Variants in FOXO1 observed in about 807,000 individuals in gnomAD.
The protein encoded by FOXO1 is forkhead box protein O1.
Under a neutral mutation model 44.1 loss-of-function variants are expected in FOXO1, and 6 were observed. The ratio of observed to expected loss-of-function variants is 0.14; its 90% CI spans 0.07 to 0.27. The LOEUF (loss-of-function observed/expected upper bound fraction) is 0.27, where lower values mean the gene tolerates loss of function less well. Among genes scored for constraint, FOXO1 ranks in the 10% least tolerant of loss-of-function variants. The pLI is 1.00. For synonymous variants in FOXO1, 380 were observed against 362.7 expected, an observed-to-expected ratio of 1.05 and a Z score of -0.54; for missense variants, 737 against 888.8, an observed-to-expected ratio of 0.83 and a Z score of 2.17.
intron 1 of FOXO1, among the ~76,000 whole-genome samples, chr13:40,620,860 G>GCGAA (rs1268706022): frequency 9.7e-5 from 14 of 144,114 alleles, no homozygotes; most frequent in Middle Eastern, 3.5e-3. Context: ...GTGCAGTGGT[G>GCGAA]CGATCTTGGC....
chr13:40,591,033 G>A (rs1381252783), intron 1 of FOXO1, among the ~76,000 whole-genome samples: 2 of 152,060 alleles, frequency 1.3e-5, no homozygotes, highest in African/African-American at 4.8e-5. Context: ...ATGGGGCCTG[G>A]GGACAGATGG....
intron 1 of FOXO1, among the ~76,000 whole-genome samples, chr13:40,652,982 TC>T (rs1877733485): frequency 6.6e-6 from 1 of 152,138 alleles, no homozygotes; most frequent in South Asian, 2.1e-4. Flanking sequence ...TTTTTTTTTT[TC>T]TTCAAGACAA....
intron 1 of FOXO1, among the ~76,000 whole-genome samples, chr13:40,566,361 C>A: frequency 6.6e-6 from 1 of 151,656 alleles, no homozygotes; most frequent in East Asian, 1.9e-4. Flanking sequence ...GAAATCTTTA[C>A]AACTTTCATT....
At chr13:40,635,183 A>C (rs925233362) in intron 1 of FOXO1, among the ~76,000 whole-genome samples, 1 of 146,216 alleles carries the variant, frequency 6.8e-6, no homozygotes. Context: ...AAATCGTAAT[A>C]CCTAGTTCTT....
chr13:40,604,615 G>A (rs73465274), intron 1 of FOXO1, among the ~76,000 whole-genome samples: 116 of 152,176 alleles, frequency 7.6e-4, no homozygotes, highest in African/African-American at 2.7e-3. Flanking sequence ...GAAAGGTGAT[G>A]CTACTTCATC....
chr13:40,602,182 A>G (rs2137880574), intron 1 of FOXO1, among the ~76,000 whole-genome samples: 1 of 152,334 alleles, frequency 6.6e-6, no homozygotes, highest in East Asian at 1.9e-4. Flanking sequence ...AATATGCTTA[A>G]TATGCTTTCC....
intron 1 of FOXO1, among the ~76,000 whole-genome samples, chr13:40,574,636 T>C (rs986205091): frequency 1.3e-5 from 2 of 152,184 alleles, no homozygotes; most frequent in Admixed American, 1.3e-4. Context: ...ATTTCAACTC[T>C]CAAAGATCAC....
rs939358895 is a variant in FOXO1 at position 40,556,391 on chromosome 13, T to A, written c.*2658A>T. ...ACGTCTATATTACGGAAACAATACA[T>A]CTTTATATTTAAAATATCTGAATAG... is the stretch of plus-strand genomic sequence containing the variant. On this transcript the variant is annotated 3_prime_UTR_variant, in exon 3 of 3. Coordinates refer to ENST00000379561, the MANE Select transcript of FOXO1 (RefSeq NM_002015.4). 4.6e-5 allele frequency: 7 copies of A among 152,658 alleles called. No homozygotes were observed. Among genetic ancestry groups the A allele is most frequent in the Non-Finnish European group, 1.0e-4 (7 of 68,050 alleles). 9.5% of individuals were successfully genotyped at this position (152,658 alleles called of 1,614,324 possible).
chr13:40,665,869 G>A lies in FOXO1; in HGVS notation c.344C>T (p.Ala115Val). The part of the protein sequence containing the change: ...GLCGDFQGPE[A>V]GCLHPAPPQP... ...CGGTGGCGCTGGGTGCAGGCAGCCC[G>A]CCTCCGGGCCCTGGAAGTCCCCGCA... is the stretch of plus-strand genomic sequence containing the variant. The change falls in exon 1 of 3, where the codon GCG (alanine) becomes GTG (valine). Residue 115 changes from alanine (A) to valine (V), a missense_variant. By Grantham distance (64) the Ala-to-Val change is moderately conservative (BLOSUM62 0). Around this residue, in one of 7 missense-constraint regions of FOXO1, gnomAD observed 213 missense variants for 236.4 expected, o/e 0.90. Transcript: ENST00000379561. 8.8e-7 allele frequency: 1 copy of A among 1,131,430 alleles called. No homozygotes were observed. Among genetic ancestry groups the A allele is most frequent in the South Asian group, 4.3e-5 (1 of 23,508 alleles). 70.1% of individuals were successfully genotyped at this position (1,131,430 alleles called of 1,614,324 possible).
At chr13:40,616,941 A>G (rs1255516727) in intron 1 of FOXO1, among the ~76,000 whole-genome samples, 1 of 152,216 alleles carries the variant, frequency 6.6e-6, no homozygotes, top group African/African-American at 2.4e-5. Flanking sequence ...TTTTCAATGG[A>G]AAGCCCTCAT....
intron 1 of FOXO1, among the ~76,000 whole-genome samples, chr13:40,615,556 CATACATACAT>C (rs1876393834): frequency 6.6e-6 from 1 of 151,734 alleles, no homozygotes; most frequent in Non-Finnish European, 1.5e-5. Context: ...TACATACATA[CATACATACAT>C]ACATACATAC....
chr13:40,594,932 C>T (rs548621904), intron 1 of FOXO1, among the ~76,000 whole-genome samples: 30 of 152,252 alleles, frequency 2.0e-4, no homozygotes, highest in Middle Eastern at 3.4e-3. Context: ...AGCGACCCTC[C>T]TACTTTGACC....
At chr13:40,578,690 T>C (rs1026670776) in intron 1 of FOXO1, among the ~76,000 whole-genome samples, 1 of 152,182 alleles carries the variant, frequency 6.6e-6, no homozygotes, top group Non-Finnish European at 1.5e-5. Context: ...TTAGGGTGAT[T>C]TGAATTCACT....
At chr13:40,570,105 A>C (rs112586835) in intron 1 of FOXO1, among the ~76,000 whole-genome samples, 206 of 152,178 alleles carry the variant, frequency 1.4e-3, no homozygotes, top group African/African-American at 4.8e-3. Context: ...GAGGGTGAAG[A>C]GATGGAGACC....
At chr13:40,581,143 G>A (rs913965285) in intron 1 of FOXO1, among the ~76,000 whole-genome samples, 3 of 152,174 alleles carry the variant, frequency 2.0e-5, no homozygotes, top group African/African-American at 7.2e-5. Flanking sequence ...GGTGTCCAGA[G>A]AGCATCACTG....
chr13:40,638,268 T>C (rs1053009799), intron 1 of FOXO1, among the ~76,000 whole-genome samples: 10 of 152,148 alleles, frequency 6.6e-5, no homozygotes, highest in African/African-American at 1.9e-4. Context: ...TAGAAAAACA[T>C]GTCAAGCCAG....
intron 1 of FOXO1, among the ~76,000 whole-genome samples, chr13:40,613,658 G>A (rs560115922): frequency 9.8e-5 from 15 of 152,330 alleles, no homozygotes; most frequent in Non-Finnish European, 4.4e-5. Context: ...ACTTGGTTTA[G>A]TGGATGATTA....
intron 1 of FOXO1, chr13:40,619,550 A>C (rs756876493): frequency 7.2e-7 from 1 of 1,397,974 alleles, no homozygotes; most frequent in Non-Finnish European, 1.0e-6. Flanking sequence ...CATGGAGATT[A>C]TACAAACATT....
rs34637836 is a variant in FOXO1 at position 40,573,338 on chromosome 13, AG to A, written c.631-12479del. On this transcript the variant is annotated intron_variant, in intron 1 of 2. Coordinates refer to ENST00000379561, the MANE Select transcript of FOXO1 (RefSeq NM_002015.4). ...GTCTCAGGTCAAAGCAAGCCAGCCC[AG>A]GAAGAATGTGCTTCCCCAAGATCAC... Among the ~76,000 whole-genome samples, 1,238 of 152,330 alleles carry A rather than the reference AG, an allele frequency of 8.1e-3. 11 individuals are homozygous for A. The highest frequency in any genetic ancestry group is 0.013 in the Non-Finnish European group (877 of 68,026).
Sources: allele counts gnomAD v4.1 joint callset (sites outside exome capture counted in the v4.1 genomes callset), GRCh38; gene constraint gnomAD v4.1.1; regional missense constraint gnomAD v4.1.1; transcripts MANE v1.5; gene names NCBI Gene and HGNC (gene_info 2026-07-23, HGNC 2026-07-21).